Variants in VWA3A observed in about 807,000 individuals in gnomAD.
VWA3A encodes von Willebrand factor A domain containing 3A.
VWA3A carries 134 observed loss-of-function variants against 160.4 expected under a neutral mutation model. The ratio of observed to expected loss-of-function variants is 0.84; its 90% CI spans 0.73 to 0.96. The LOEUF (loss-of-function observed/expected upper bound fraction) is 0.96, where lower values mean the gene tolerates loss of function less well. Among genes scored for constraint, VWA3A ranks in the 40% least tolerant of loss-of-function variants. The probability of loss-of-function intolerance (pLI) is 0.00; values close to 1 mark genes in which losing one functional copy is unlikely to be tolerated. For missense variants in VWA3A, 1,310 were observed against 1,447.9 expected (o/e 0.90, Z 1.55); for synonymous variants, 476 against 543.4 (o/e 0.88, Z 1.72).
At chr16:22,092,732 A>C in intron 1 of VWA3A, 81 bp downstream of exon 1, 1 of 1,527,866 alleles carries the variant, frequency 6.5e-7, no homozygotes, top group South Asian at 1.2e-5. Flanking sequence ...GGACTGAGTG[A>C]GAAGATCGAG....
At chr16:22,117,841 T>TG (rs2045672079) in intron 11 of VWA3A, among the ~76,000 whole-genome samples, 1 of 152,180 alleles carries the variant, frequency 6.6e-6, no homozygotes, top group Admixed American at 6.5e-5. Context: ...GGTCCCTGCT[T>TG]TTCATAGCAG....
rs111917398 is a variant in VWA3A at position 22,143,439 on chromosome 16, A to G, written c.2592+674A>G. 4.7e-3 allele frequency among the ~76,000 whole-genome samples: 712 copies of G among 152,306 alleles called. 3 individuals are homozygous for G. Among genetic ancestry groups the G allele is most frequent in the Non-Finnish European group, 6.4e-3 (435 of 68,024 alleles). Reference sequence around the variant, plus strand: ...ACAGCTATTCAATAAAAGCCTGAGCATGGTTCTGATTGTGCCGATGGCAGA... The same window carrying G: ...ACAGCTATTCAATAAAAGCCTGAGCGTGGTTCTGATTGTGCCGATGGCAGA... On this transcript the variant is annotated intron_variant, in intron 25 of 33. Coordinates refer to ENST00000389398, the MANE Select transcript of VWA3A (RefSeq NM_173615.5).
Position 22,139,253 on chromosome 16 carries a change from C to A in VWA3A, c.2292+741C>A, listed in dbSNP as rs567004793. ...CAGGTTTCAGGAGCCAGCTCAGGCACTTCGCCCCCTCCTCAGAGGCTGCCT... is the reference window on the plus strand; with the variant it reads ...CAGGTTTCAGGAGCCAGCTCAGGCAATTCGCCCCCTCCTCAGAGGCTGCCT... On this transcript the variant is annotated intron_variant, in intron 22 of 33. Transcript: ENST00000389398. 1.4e-3 allele frequency among the ~76,000 whole-genome samples: 219 copies of A among 152,348 alleles called. 1 individual carries two copies. The highest frequency in any genetic ancestry group is 1.5e-3 in the Non-Finnish European group (101 of 68,034).
intron 28 of VWA3A, among the ~76,000 whole-genome samples, chr16:22,149,384 G>T (rs747019088): frequency 6.6e-6 from 1 of 152,126 alleles, no homozygotes; most frequent in East Asian, 1.9e-4. Flanking sequence ...GACTACAGGC[G>T]CACACCACCA....
rs940660690 is a variant in VWA3A, at chr16:22,150,847, G to A, written c.3281+1G>A. 28 of 1,611,812 alleles carry A rather than the reference G, an allele frequency of 1.7e-5. No homozygotes were observed. The highest frequency in any genetic ancestry group is 3.3e-4 in the Middle Eastern group (2 of 6,072). On this transcript the variant is annotated splice_donor_variant, in intron 30 of 33. Transcript: ENST00000389398. LOFTEE classifies it high-confidence loss of function. ...CCATTTCCTTGAACTGCTCAGACAG[G>A]TGCGCAATATGGAGTCTGACTGAGT...
At chr16:22,102,628 C>G (rs1459870481) in intron 5 of VWA3A, among the ~76,000 whole-genome samples, 1 of 152,124 alleles carries the variant, frequency 6.6e-6, no homozygotes, top group Non-Finnish European at 1.5e-5. Flanking sequence ...TCAAGAAGGT[C>G]CCCCAGCTAC....
chr16:22,131,512 C>A, intron 18 of VWA3A, 73 bp from the exon 19 acceptor site: 1 of 1,581,390 alleles, frequency 6.3e-7, no homozygotes, highest in Non-Finnish European at 8.6e-7. Context: ...GGAAAAGGCT[C>A]TCAGCTACTC....
In VWA3A at chr16:22,123,176, G is replaced by A. The variant is rs1186783548; in HGVS notation, c.1437+11G>A. 4 of 1,591,944 alleles carry A rather than the reference G, an allele frequency of 2.5e-6. No homozygotes were observed. The highest frequency in any genetic ancestry group is 1.7e-6 in the Non-Finnish European group (2 of 1,168,272). On this transcript the variant is annotated intron_variant, in intron 15 of 33. Transcript: ENST00000389398. The stretch of plus-strand genomic sequence containing the variant: ...CTCTATAAGTACCAGGTCAGTGATG[G>A]GTTCAATCAGTCAGAAAATGGGGTG...
chr16:22,114,183 A>G (rs1323875880), intron 8 of VWA3A, among the ~76,000 whole-genome samples: 1 of 152,222 alleles, frequency 6.6e-6, no homozygotes, highest in Admixed American at 6.5e-5. Flanking sequence ...ATCATGAAAG[A>G]TGAACTTATT....
chr16:22,100,177 T>C lies in VWA3A; in HGVS notation c.226-17T>C. ...CTCTTTCCACTTCACGGTTTGACTC[T>C]GGCTTTTGTCTTGCAGAGGCTGCAG... On this transcript the variant is annotated splice_polypyrimidine_tract_variant and intron_variant, in intron 3 of 33. Coordinates refer to ENST00000389398, the MANE Select transcript of VWA3A (RefSeq NM_173615.5). The C allele has an allele frequency of 6.5e-7, 1 of 1,532,292 alleles. No individual in the cohort carries two copies. Among genetic ancestry groups the C allele is most frequent in the African/African-American group, 1.4e-5 (1 of 72,336 alleles). The allele number at this position is 1,532,292 out of a possible 1,614,324, so 94.9% of individuals were successfully genotyped here.
chr16:22,152,559 C>G lies in VWA3A; in HGVS notation c.3330C>G (p.Arg1110=), dbSNP rs931083290. ...AGCTGGCTTCCTTCACCGGCGGACG[C>G]TATCACTGCCCTGTGGGTGAGGACA... ...LRKLASFTGG[R]YHCPVGEDTL... The change falls in exon 31 of 34, where the codon CGC becomes CGG. Residue 1110 remains arginine (R), a synonymous_variant. Transcript: ENST00000389398. 5.0e-6 allele frequency: 8 copies of G among 1,612,512 alleles called. No individual in the cohort carries two copies. The African/African-American group carries it at 9.3e-5, about 19-fold the overall frequency.
At chr16:22,153,209 G>A (rs183252216) in intron 31 of VWA3A, among the ~76,000 whole-genome samples, 76 of 152,274 alleles carry the variant, frequency 5.0e-4, no homozygotes, top group Non-Finnish European at 1.0e-4. Flanking sequence ...AGCCAGGCAT[G>A]GTGGCATGCA....
chr16:22,134,044 G>A (rs902273917), intron 20 of VWA3A, among the ~76,000 whole-genome samples: 1 of 151,986 alleles, frequency 6.6e-6, no homozygotes, highest in Non-Finnish European at 1.5e-5. Context: ...CTTCACTGCA[G>A]CCTCAACCTC....
At chr16:22,106,553 G>A (rs752389866) in intron 6 of VWA3A, among the ~76,000 whole-genome samples, 10 of 152,042 alleles carry the variant, frequency 6.6e-5, no homozygotes, top group Non-Finnish European at 1.2e-4. Context: ...AGGCAGGAAC[G>A]AGCTTGGTAT....
chr16:22,118,974 C>G lies in VWA3A; in HGVS notation c.1063C>G (p.Gln355Glu). 1 of 1,613,924 alleles carries G rather than the reference C, an allele frequency of 6.2e-7. No individual in the cohort carries two copies. Among genetic ancestry groups the G allele is most frequent in the Non-Finnish European group, 8.5e-7 (1 of 1,179,842 alleles). ...GGCCCAGAGCCTCCTCAGCCACGTGCAAGCCCTGCAGCACAGCAGCCCCTG... is the reference window on the plus strand; with the variant it reads ...GGCCCAGAGCCTCCTCAGCCACGTGGAAGCCCTGCAGCACAGCAGCCCCTG... ...QKAQSLLSHV[Q>E]ALQHSSPCEA... Residue 355 changes from glutamine to glutamate, a missense_variant, in exon 12 of 34, where the codon CAA becomes GAA. Gln to Glu is a conservative substitution (Grantham distance 29). Transcript: ENST00000389398.
intron 21 of VWA3A, among the ~76,000 whole-genome samples, chr16:22,135,085 AAG>A (rs2046016327): frequency 1.3e-5 from 2 of 152,208 alleles, no homozygotes; most frequent in Admixed American, 6.5e-5. Flanking sequence ...TTTTTTAAAA[AAG>A]GTATCTCAGA....
chr16:22,144,172 C>A lies in VWA3A; in HGVS notation c.2593-75C>A, dbSNP rs867485133. On this transcript the variant is annotated intron_variant, in intron 25 of 33. Coordinates refer to ENST00000389398, the MANE Select transcript of VWA3A (RefSeq NM_173615.5). ...TCATACAGGTTTCAAACATGAGGTT[C>A]TCATAGACCAGTCAGATGATCATTC... 2.7e-6 allele frequency: 4 copies of A among 1,488,330 alleles called. No homozygotes were observed. The South Asian group carries it at 4.1e-5, about 15-fold the overall frequency. 92.2% of individuals were successfully genotyped at this position (1,488,330 alleles called of 1,614,324 possible).
In VWA3A at chr16:22,148,167, C is replaced by A. The variant is rs892617206; in HGVS notation, c.2845C>A (p.Arg949Ser). The A allele has an allele frequency of 1.3e-6, 2 of 1,598,986 alleles. No individual in the cohort carries two copies. The highest frequency in any genetic ancestry group is 1.3e-5 in the African/African-American group (1 of 74,566). ...QRLQWLLSGSRRLFGTVLESK... is the reference protein window; with the variant it reads ...QRLQWLLSGSSRLFGTVLESK... The stretch of plus-strand genomic sequence containing the variant: ...CCCCACCTGTCTCGGAGCAGGGAGC[C>A]GCCGACTGTTTGGCACCGTTTTGGA... Residue 949 changes from arginine to serine, a missense_variant, in exon 28 of 34, where the codon CGC (arginine) becomes AGC (serine). Physicochemically the swap from Arg to Ser is moderately radical, Grantham distance 110 (BLOSUM62 -1). Coordinates refer to ENST00000389398, the MANE Select transcript of VWA3A (RefSeq NM_173615.5).
intron 1 of VWA3A, among the ~76,000 whole-genome samples, chr16:22,094,503 T>C (rs1224183533): frequency 6.6e-6 from 1 of 152,020 alleles, no homozygotes; most frequent in Non-Finnish European, 1.5e-5. Flanking sequence ...TCAGAGTCTC[T>C]CACTTGCTGT....
Sources: gnomAD v4.1 joint callset for allele counts (sites outside exome capture counted in the v4.1 genomes callset) on GRCh38, gnomAD v4.1.1 for gene constraint, MANE v1.5 for transcripts, NCBI Gene and HGNC (gene_info 2026-07-23, HGNC 2026-07-21) for gene names.